The following XRCC4 variants were observed in gnomAD, a reference collection of about 807,000 sequenced individuals.
The protein encoded by XRCC4 is DNA repair protein XRCC4.
XRCC4 carries 28 observed loss-of-function variants against 39.1 expected under a neutral mutation model. The observed-to-expected ratio is 0.72, with a 90% confidence interval of 0.53 to 0.98. The LOEUF is 0.98. XRCC4 is among the 50% of genes least tolerant of loss of function. The pLI is 0.00. For synonymous variants in XRCC4, 123 were observed against 126.4 expected, an observed-to-expected ratio of 0.97 and a Z score of 0.18; for missense variants, 350 against 376.4, an observed-to-expected ratio of 0.93 and a Z score of 0.58.
At chr5:83,266,359 T>TA (rs1753954225) in intron 7 of XRCC4, among the ~76,000 whole-genome samples, 1 of 150,722 alleles carries the variant, frequency 6.6e-6, no homozygotes, top group Non-Finnish European at 1.5e-5. Flanking sequence ...TGGTCCGTAG[T>TA]AAAAATTATG....
downstream of XRCC4, among the ~76,000 whole-genome samples, chr5:83,355,383 A>G (rs920547098): frequency 6.6e-6 from 1 of 152,104 alleles, no homozygotes; most frequent in African/African-American, 2.4e-5. Context: ...AAACATGGCC[A>G]TCTGCTTTAC....
intron 7 of XRCC4, among the ~76,000 whole-genome samples, chr5:83,336,630 A>G (rs143971085): frequency 1.6e-4 from 25 of 152,292 alleles, no homozygotes; most frequent in African/African-American, 6.0e-4. Flanking sequence ...TAAATTGACT[A>G]ACATTCATAA....
chr5:83,096,601 T>G (rs1016659486), intron 1 of XRCC4, among the ~76,000 whole-genome samples: 2 of 152,164 alleles, frequency 1.3e-5, no homozygotes, highest in Non-Finnish European at 2.9e-5. Context: ...TTTTACAGCC[T>G]CCTACCTGAA....
chr5:83,348,721 T>A (rs1164523146), intron 7 of XRCC4, among the ~76,000 whole-genome samples: 1 of 152,232 alleles, frequency 6.6e-6, no homozygotes, highest in Non-Finnish European at 1.5e-5. Flanking sequence ...CAGCCTTGAA[T>A]TCCTCCCCAG....
intron 7 of XRCC4, among the ~76,000 whole-genome samples, chr5:83,338,870 G>A (rs1025743900): frequency 7.2e-5 from 11 of 152,174 alleles, no homozygotes; most frequent in African/African-American, 2.7e-4. Context: ...CTTTTAAATA[G>A]CATTTGAAAT....
chr5:83,328,690 A>C (rs2112158278), intron 7 of XRCC4, among the ~76,000 whole-genome samples: 1 of 152,256 alleles, frequency 6.6e-6, no homozygotes, highest in African/African-American at 2.4e-5. Context: ...AAGAATAACC[A>C]AAGCAATTCT....
intron 6 of XRCC4, among the ~76,000 whole-genome samples, chr5:83,229,550 A>T (rs1752418008): frequency 1.3e-5 from 2 of 151,756 alleles, no homozygotes; most frequent in African/African-American, 2.4e-5. Context: ...GGGGAAAAAA[A>T]GGTTAAAATT....
In XRCC4 at chr5:83,218,223, C is replaced by T. The variant is rs1203646341; in HGVS notation, c.745+13302C>T. Among the ~76,000 whole-genome samples, 7 of 102,546 alleles carry T rather than the reference C, an allele frequency of 6.8e-5. No homozygotes were observed. In the South Asian group the frequency reaches 2.3e-3, roughly 34 times the overall value. The allele number at this position is 102,546 out of a possible 152,430, so 67.3% of individuals were successfully genotyped here. A position where few individuals can be genotyped will look rare whatever the true frequency, so the allele number is the denominator to read the frequency against. ...ACTAATGCTATCCCTCCCCCCTCCCCCCACCCCACAACTTCTCAGTCTTTA... is the reference window on the plus strand; with the variant it reads ...ACTAATGCTATCCCTCCCCCCTCCCTCCACCCCACAACTTCTCAGTCTTTA... On this transcript the variant is annotated intron_variant, in intron 6 of 7. Coordinates refer to ENST00000396027, the MANE Select transcript of XRCC4 (RefSeq NM_003401.5).
intron 7 of XRCC4, among the ~76,000 whole-genome samples, chr5:83,345,500 C>T (rs1756892409): frequency 6.6e-6 from 1 of 152,092 alleles, no homozygotes; most frequent in South Asian, 2.1e-4. Context: ...AATTTAAAAT[C>T]ATTGTTTTTG....
chr5:83,186,664 T>A (rs1750452733), intron 3 of XRCC4, among the ~76,000 whole-genome samples: 1 of 152,218 alleles, frequency 6.6e-6, no homozygotes. Flanking sequence ...GGGCTACTAT[T>A]CAGCTTCCCA....
At chr5:83,368,498 C>T in the XRCC4 span, among the ~76,000 whole-genome samples, 9 of 152,226 alleles carry the variant, frequency 5.9e-5, no homozygotes, top group East Asian at 1.5e-3. Flanking sequence ...ACTAACTAAC[C>T]GCTCTCCCAA....
At chr5:83,174,482 T>G (rs972882963) in intron 3 of XRCC4, among the ~76,000 whole-genome samples, 1 of 152,200 alleles carries the variant, frequency 6.6e-6, no homozygotes. Context: ...GAATTTATAC[T>G]TTAGCACTCC....
intron 6 of XRCC4, among the ~76,000 whole-genome samples, chr5:83,233,902 C>CAAA (rs10629125): frequency 0.067 from 5,191 of 77,722 alleles, 232 homozygotes; most frequent in South Asian, 0.14. Context: ...GACTTCATCT[C>CAAA]AAAAAAAAAA....
intron 4 of XRCC4, chr5:83,202,173 ACT>A (rs1216594056): frequency 1.1e-4 from 17 of 152,210 alleles, no homozygotes; most frequent in Non-Finnish European, 2.4e-4. Flanking sequence ...CCTTGTAATA[ACT>A]CTGCAGAAAA....
At chr5:83,212,925 T>TAAAA (rs777025309) in intron 6 of XRCC4, among the ~76,000 whole-genome samples, 1 of 61,606 alleles carries the variant, frequency 1.6e-5, no homozygotes, top group Non-Finnish European at 3.4e-5. Context: ...AGATTCCATC[T>TAAAA]AAAAAAAAAA....
chr5:83,179,641 C>G (rs899871040), intron 3 of XRCC4, among the ~76,000 whole-genome samples: 3 of 152,158 alleles, frequency 2.0e-5, no homozygotes, highest in Non-Finnish European at 4.4e-5. Flanking sequence ...CCCACCAGCA[C>G]CCAGCACTTA....
intron 6 of XRCC4, among the ~76,000 whole-genome samples, chr5:83,218,503 G>C (rs1011329704): frequency 1.3e-5 from 2 of 151,864 alleles, no homozygotes; most frequent in African/African-American, 4.8e-5. Context: ...ATGAGGAGAG[G>C]ATCATATATT....
intron 1 of XRCC4, among the ~76,000 whole-genome samples, chr5:83,082,450 T>G (rs1158431920): frequency 6.6e-6 from 1 of 152,152 alleles, no homozygotes; most frequent in African/African-American, 2.4e-5. Context: ...TTAGAAGAAA[T>G]TGGGTGAGGG....
At chr5:83,213,138 A>G (rs1358084452) in intron 6 of XRCC4, among the ~76,000 whole-genome samples, 1 of 152,046 alleles carries the variant, frequency 6.6e-6, no homozygotes, top group African/African-American at 2.4e-5. Context: ...CATAACCAAT[A>G]GTTTTATATC....
Sources: gnomAD v4.1 joint callset for allele counts (sites outside exome capture counted in the v4.1 genomes callset) on GRCh38, gnomAD v4.1.1 for gene constraint, MANE v1.5 for transcripts, NCBI Gene and HGNC (gene_info 2026-07-23, HGNC 2026-07-21) for gene names.